Variants in LEPROTL1 observed in about 807,000 individuals in gnomAD.
LEPROTL1 encodes leptin receptor overlapping transcript like 1, also known as leptin receptor overlapping transcript-like 1.
In LEPROTL1, 6 loss-of-function variants were observed where a neutral mutation model predicts 15.4. The observed-to-expected ratio is 0.39, with a 90% CI of 0.21 to 0.77. LEPROTL1 has a LOEUF of 0.77. Among genes scored for constraint, LEPROTL1 ranks in the 30% least tolerant of loss-of-function variants. The pLI is 0.41. For synonymous variants in LEPROTL1, 56 were observed against 52.6 expected (o/e 1.06, Z -0.28); for missense variants, 128 against 158.1 (o/e 0.81, Z 1.02).
chr8:30,132,962 T>C (rs1174842930), intron 4 of LEPROTL1: 1 of 1,434,020 alleles, frequency 7.0e-7, no homozygotes, highest in African/African-American at 1.4e-5. Context: ...TCTCTCTCTC[T>C]TATTCCAGTC....
chr8:30,111,759 G>A (rs964486444), downstream of LEPROTL1, among the ~76,000 whole-genome samples: 1 of 152,170 alleles, frequency 6.6e-6, no homozygotes, highest in Non-Finnish European at 1.5e-5. Flanking sequence ...GAGGTCGGGT[G>A]GGGGGTGGTT....
In LEPROTL1 at chr8:30,095,545, G is replaced by A. The variant is rs566609670; in HGVS notation, c.16+17G>A. ...GCATCAAAGGTGGGCCTGGGTTGCA[G>A]GACGCGGGAGGGCTGGGGCCGGCGG... On this transcript the variant is annotated intron_variant, in intron 1 of 3. Transcript: ENST00000321250. 6.1e-5 allele frequency: 86 copies of A among 1,407,660 alleles called. 2 individuals carry two copies. The South Asian group carries it at 1.2e-3, about 20-fold the overall frequency. The allele number at this position is 1,407,660 out of a possible 1,614,324, so 87.2% of individuals were successfully genotyped here.
At position 30,132,450 on chromosome 8, in the gene LEPROTL1, G is replaced by T. The variant is rs138038257; in HGVS notation, c.355G>T (p.Val119Leu). ...CAAGCTCAGGCCCAAAGCCCGCTGC[G>T]TGGAGGAGGGAGTCGTCCAGGATCC... The change falls in exon 4 of 5, where the codon GTG becomes TTG. Residue 119 changes from valine (V) to leucine (L), a missense_variant. Val to Leu is a conservative substitution (Grantham distance 32). Coordinates refer to the LEPROTL1 transcript ENST00000442880. 52 of 1,551,740 alleles carry T rather than the reference G, an allele frequency of 3.4e-5. No homozygotes were observed. In the South Asian group the frequency reaches 6.1e-4, roughly 18 times the overall value.
intron 3 of LEPROTL1, among the ~76,000 whole-genome samples, chr8:30,126,497 T>C (rs16876544): frequency 0.013 from 2,032 of 152,290 alleles, 45 homozygotes; most frequent in East Asian, 0.075. Context: ...CCAGTATAGA[T>C]GAATCAACAG....
intron 3 of LEPROTL1, among the ~76,000 whole-genome samples, chr8:30,114,866 T>G (rs1388456698): frequency 6.6e-6 from 1 of 152,172 alleles, no homozygotes; most frequent in Non-Finnish European, 1.5e-5. Context: ...GCCTCCATGG[T>G]GGCTGTTAGA....
At position 30,100,070 on chromosome 8, in the gene LEPROTL1, A is replaced by G. The variant is rs562222702; in HGVS notation, c.17-1828A>G. Among the ~76,000 whole-genome samples, 42 of 152,320 alleles carry G rather than the reference A, an allele frequency of 2.8e-4. No homozygotes were observed. The South Asian group carries it at 8.3e-3, about 30-fold the overall frequency. ...TCGTTTGCTGTAAAGTAAAAATGCA[A>G]TTCTTTTCCTGTAGCTGGAAATAGA... On this transcript the variant is annotated intron_variant, in intron 1 of 3. Coordinates refer to ENST00000321250, the MANE Select transcript of LEPROTL1 (RefSeq NM_015344.3).
At chr8:30,131,996 C>T (rs1803025091) in intron 3 of LEPROTL1, 1 of 1,551,934 alleles carries the variant, frequency 6.4e-7, no homozygotes, top group African/African-American at 1.4e-5. Flanking sequence ...ATACAGTACA[C>T]CATGGGAAAG....
chr8:30,120,625 G>A (rs555078474), intron 3 of LEPROTL1, among the ~76,000 whole-genome samples: 11 of 152,204 alleles, frequency 7.2e-5, no homozygotes, highest in Admixed American at 2.0e-4. Flanking sequence ...TCGCCTCTCC[G>A]GCTTGAGCAA....
chr8:30,101,756 A>G, intron 1 of LEPROTL1, 142 bp from the exon 2 acceptor site: 1 of 538,422 alleles, frequency 1.9e-6, no homozygotes. Context: ...AGACTAGATA[A>G]CTTACACTTC....
At chr8:30,129,042 T>G (rs191890094) in intron 3 of LEPROTL1, among the ~76,000 whole-genome samples, 117 of 152,258 alleles carry the variant, frequency 7.7e-4, no homozygotes, top group African/African-American at 2.7e-3. Flanking sequence ...CCCTTCTGGT[T>G]AAGGCACTAC....
downstream of LEPROTL1, among the ~76,000 whole-genome samples, chr8:30,110,220 A>T (rs1249158642): frequency 6.6e-6 from 1 of 152,230 alleles, no homozygotes; most frequent in Non-Finnish European, 1.5e-5. Context: ...TAATTCAGAT[A>T]TTAACTGTTA....
At chr8:30,098,326 A>G (rs922889273) in intron 1 of LEPROTL1, among the ~76,000 whole-genome samples, 5 of 152,224 alleles carry the variant, frequency 3.3e-5, no homozygotes, top group African/African-American at 1.2e-4. Flanking sequence ...ATAAGTGAGC[A>G]TAGATGATTC....
At chr8:30,111,936 T>C (rs914970017), downstream of LEPROTL1, among the ~76,000 whole-genome samples, 1 of 152,076 alleles carries the variant, frequency 6.6e-6, no homozygotes, top group African/African-American at 2.4e-5. Flanking sequence ...ACCATGGAGA[T>C]ATAAAAAGTG....
Position 30,106,775 on chromosome 8 carries a change from G to A in LEPROTL1, c.*913G>A, listed in dbSNP as rs1802575879. On this transcript the variant is annotated 3_prime_UTR_variant, in exon 4 of 4. Transcript: ENST00000321250. ...ACATACATGGAACCACTACTGATGA[G>A]GGACAGTTGTATGTTTGCATCATAT... The A allele has an allele frequency of 1.0e-6, 1 of 983,674 alleles. No homozygotes were observed. The highest frequency in any genetic ancestry group is 1.7e-5 in the African/African-American group (1 of 57,144). 60.9% of individuals were successfully genotyped at this position (983,674 alleles called of 1,614,324 possible). A position where few individuals can be genotyped will look rare whatever the true frequency, so the allele number is the denominator to read the frequency against.
intron 4 of LEPROTL1, chr8:30,137,137 T>C (rs1004450496): frequency 2.0e-5 from 14 of 714,254 alleles, no homozygotes; most frequent in South Asian, 3.6e-5. Context: ...CTGAAGCCAA[T>C]TGTGATCACC....
At chr8:30,131,951 A>C in intron 3 of LEPROTL1, 1 of 1,547,070 alleles carries the variant, frequency 6.5e-7, no homozygotes, top group East Asian at 2.4e-5. Context: ...TGTCAGTTAC[A>C]TTTGTGCTTT....
chr8:30,118,615 G>C (rs1802778789), intron 3 of LEPROTL1, among the ~76,000 whole-genome samples: 1 of 152,190 alleles, frequency 6.6e-6, no homozygotes, highest in Non-Finnish European at 1.5e-5. Flanking sequence ...CAGAGACAAA[G>C]TATAGAGTTA....
At chr8:30,127,405 C>T (rs1391879376) in intron 3 of LEPROTL1, among the ~76,000 whole-genome samples, 4 of 152,164 alleles carry the variant, frequency 2.6e-5, no homozygotes, top group Non-Finnish European at 5.9e-5. Context: ...GGTGTGTGCC[C>T]AATGGGCGCT....
At chr8:30,103,470 G>A (rs1802504571) in intron 2 of LEPROTL1, among the ~76,000 whole-genome samples, 2 of 152,086 alleles carry the variant, frequency 1.3e-5, no homozygotes, top group African/African-American at 2.4e-5. Context: ...GTCAGGCGCA[G>A]TGGCTCATGC....
Sources: allele counts gnomAD v4.1 joint callset (sites outside exome capture counted in the v4.1 genomes callset), GRCh38; gene constraint gnomAD v4.1.1; transcripts MANE v1.5; gene names NCBI Gene and HGNC (gene_info 2026-07-23, HGNC 2026-07-21).